Variants in BAIAP2 observed in about 807,000 individuals in gnomAD.
BAIAP2 encodes BAR/IMD domain-containing adapter protein 2.
BAIAP2 carries 18 observed loss-of-function variants against 63.0 expected under a neutral mutation model. The ratio of observed to expected loss-of-function variants is 0.29; its 90% CI spans 0.20 to 0.42. The LOEUF (loss-of-function observed/expected upper bound fraction) is 0.42, where lower values mean the gene tolerates loss of function less well. Among genes scored for constraint, BAIAP2 ranks in the 10% least tolerant of loss-of-function variants. The pLI is 1.00. For synonymous variants in BAIAP2, 386 were observed against 307.6 expected, an observed-to-expected ratio of 1.25 and a Z score of -2.67; for missense variants, 610 against 734.3, an observed-to-expected ratio of 0.83 and a Z score of 1.96.
chr17:81,115,484 C>T (rs113010962), intron 13 of BAIAP2, among the ~76,000 whole-genome samples: 12 of 145,846 alleles, frequency 8.2e-5, no homozygotes, highest in Non-Finnish European at 1.3e-4. Context: ...CGCCCCACCC[C>T]GCCCTGCCCT....
intron 6 of BAIAP2, among the ~76,000 whole-genome samples, chr17:81,093,952 GAGGACA>G (rs2057240558): frequency 6.9e-6 from 1 of 144,090 alleles, no homozygotes; most frequent in Non-Finnish European, 1.5e-5. Context: ...CCACCCCCGT[GAGGACA>G]GCCGTGTGGC....
chr17:81,109,455 C>T, intron 13 of BAIAP2: 1 of 988,022 alleles, frequency 1.0e-6, no homozygotes, highest in Non-Finnish European at 1.2e-6. Flanking sequence ...AACCGATCTG[C>T]ATGGACTCCG....
intron 12 of BAIAP2, chr17:81,107,570 G>A (rs2059333475): frequency 6.6e-6 from 1 of 152,380 alleles, no homozygotes; most frequent in African/African-American, 2.4e-5. Context: ...AGGCTCCTGG[G>A]GTTGGAGAGT....
intron 6 of BAIAP2, among the ~76,000 whole-genome samples, chr17:81,093,132 T>TGGGCTGG (rs2057074468): frequency 7.0e-6 from 1 of 142,898 alleles, no homozygotes; most frequent in African/African-American, 2.7e-5. Flanking sequence ...GGCTGGGCTG[T>TGGGCTGG]GGGCACGAGG....
At chr17:81,048,615 T>C (rs1266968857) in intron 1 of BAIAP2, among the ~76,000 whole-genome samples, 2 of 152,080 alleles carry the variant, frequency 1.3e-5, no homozygotes, top group Non-Finnish European at 2.9e-5. Context: ...GCCAGCAGTG[T>C]CCAGCAGCTC....
intron 3 of BAIAP2, among the ~76,000 whole-genome samples, chr17:81,079,265 A>T (rs556760671): frequency 6.6e-6 from 1 of 152,108 alleles, no homozygotes; most frequent in Non-Finnish European, 1.5e-5. Flanking sequence ...ACCTGTCCAC[A>T]GGAGGCTGGG....
At chr17:81,059,730 C>T (rs1280342121) in intron 3 of BAIAP2, among the ~76,000 whole-genome samples, 2 of 152,202 alleles carry the variant, frequency 1.3e-5, no homozygotes, top group Admixed American at 1.3e-4. Context: ...GGATTATAGG[C>T]GTGAGCCACC....
chr17:81,069,175 C>T (rs8070741), intron 3 of BAIAP2, among the ~76,000 whole-genome samples: 62,343 of 151,998 alleles, frequency 0.41, 13,051 homozygotes, highest in Non-Finnish European at 0.46. Context: ...CACGGGCATT[C>T]GTGACGGTCT....
chr17:81,052,888 C>T (rs369290100), intron 1 of BAIAP2, among the ~76,000 whole-genome samples: 2 of 152,252 alleles, frequency 1.3e-5, no homozygotes, highest in African/African-American at 2.4e-5. Context: ...AACAAATGAC[C>T]GGAAGACACG....
intron 1 of BAIAP2, among the ~76,000 whole-genome samples, chr17:81,038,254 C>A (rs191001996): frequency 1.3e-3 from 204 of 152,346 alleles, no homozygotes; most frequent in African/African-American, 4.6e-3. Flanking sequence ...CCCCGTGCAT[C>A]CCTGTGTGCT....
At chr17:81,106,277 A>G in intron 11 of BAIAP2, 131 bp downstream of exon 11, 2 of 969,432 alleles carry the variant, frequency 2.1e-6, no homozygotes, top group South Asian at 3.2e-5. Context: ...GGCCATCCCC[A>G]GTGGCCCTGA....
Position 81,116,294 on chromosome 17 carries a change from G to T in BAIAP2, c.*455G>T. 3 of 1,612,732 alleles carry T rather than the reference G, an allele frequency of 1.9e-6. No homozygotes were observed. The highest frequency in any genetic ancestry group is 2.5e-6 in the Non-Finnish European group (3 of 1,179,802). ...CGGGGATGGGAGCGCCCGCACCCTG[G>T]CTGGAAGATGAACTTCCCGTAAGCA... On this transcript the variant is annotated 3_prime_UTR_variant, in exon 14 of 14. Coordinates refer to ENST00000428708, the MANE Select transcript of BAIAP2 (RefSeq NM_001144888.2).
intron 13 of BAIAP2, chr17:81,109,010 C>CCGGG: frequency 6.5e-7 from 1 of 1,545,488 alleles, no homozygotes; most frequent in Non-Finnish European, 8.7e-7. Flanking sequence ...GACGCTGACC[C>CCGGG]CGGGCAGCCG....
intron 2 of BAIAP2, chr17:81,057,626 T>C (rs2049813446): frequency 2.4e-6 from 3 of 1,224,920 alleles, no homozygotes; most frequent in Non-Finnish European, 3.1e-6. Flanking sequence ...CAATTTGACT[T>C]GAATAGCTCA....
intron 13 of BAIAP2, among the ~76,000 whole-genome samples, chr17:81,114,775 G>A (rs541097555): frequency 7.2e-5 from 11 of 152,108 alleles, no homozygotes; most frequent in South Asian, 6.2e-4. Context: ...GTTTGCTTCC[G>A]GCTGCCTGTG....
Position 81,053,358 on chromosome 17 carries a change from C to T in BAIAP2, c.55-310C>T, listed in dbSNP as rs182463137. 282 of 329,716 alleles carry T rather than the reference C, an allele frequency of 8.6e-4. 2 individuals are homozygous for T. The highest frequency in any genetic ancestry group is 4.2e-3 in the Admixed American group (89 of 21,302). 20.4% of individuals were successfully genotyped at this position (329,716 alleles called of 1,614,324 possible). A position where few individuals can be genotyped will look rare whatever the true frequency, so the allele number is the denominator to read the frequency against. On this transcript the variant is annotated intron_variant, in intron 1 of 13. Transcript: ENST00000428708. ...GCACCTCGGCAGCGGCGCGTCTGAG[C>T]GCCAGTTGTATTCTGCCTGCTGCAC...
chr17:81,083,422 C>G (rs1395550917), intron 3 of BAIAP2: 4 of 152,252 alleles, frequency 2.6e-5, no homozygotes, highest in African/African-American at 9.7e-5. Context: ...GTGCCTGGCA[C>G]TGGAAACAGT....
intron 7 of BAIAP2, among the ~76,000 whole-genome samples, chr17:81,100,916 C>T (rs2058394742): frequency 1.3e-5 from 2 of 152,196 alleles, no homozygotes; most frequent in Non-Finnish European, 1.5e-5. Flanking sequence ...ACTGTGGTCC[C>T]AGGTGGGGCC....
chr17:81,074,445 C>T (rs2053272242), intron 3 of BAIAP2, among the ~76,000 whole-genome samples: 1 of 148,938 alleles, frequency 6.7e-6, no homozygotes, highest in African/African-American at 2.5e-5. Context: ...TGCACAAATA[C>T]ATGTGAGTGC....
Sources: allele counts gnomAD v4.1 joint callset (sites outside exome capture counted in the v4.1 genomes callset), GRCh38; gene constraint gnomAD v4.1.1; transcripts MANE v1.5; gene names NCBI Gene and HGNC (gene_info 2026-07-23, HGNC 2026-07-21).